CAMTA1: variants seen among roughly 807,000 people sequenced by gnomAD.
CAMTA1 encodes the protein calmodulin binding transcription activator 1.
Under a neutral mutation model 170.9 loss-of-function variants are expected in CAMTA1, and 27 were observed. The ratio of observed to expected loss-of-function variants is 0.16; its 90% CI spans 0.12 to 0.22. The LOEUF is 0.22. CAMTA1 is among the 10% of genes least tolerant of loss of function. The pLI is 1.00. For missense variants in CAMTA1, 1,619 were observed against 2,217.2 expected (o/e 0.73, Z 5.42); for synonymous variants, 833 against 891.5 (o/e 0.93, Z 1.17).
intron 3 of CAMTA1, among the ~76,000 whole-genome samples, chr1:7,055,339 T>C (rs1048373346): frequency 2.0e-5 from 3 of 152,090 alleles, no homozygotes; most frequent in Non-Finnish European, 4.4e-5. Context: ...TTTACAGCAG[T>C]GTTGAGCATC....
At chr1:7,337,599 G>A (rs368701179) in intron 5 of CAMTA1, among the ~76,000 whole-genome samples, 5,695 of 133,744 alleles carry the variant, frequency 0.043, 98 homozygotes, top group Middle Eastern at 0.061. Context: ...GTGGGCAGTG[G>A]GCCTCATCCA....
At chr1:7,389,351 G>A (rs1426201357) in intron 5 of CAMTA1, 3 of 152,634 alleles carry the variant, frequency 2.0e-5, no homozygotes, top group African/African-American at 4.8e-5. Flanking sequence ...ATCCGGACTC[G>A]GGCTGTGTGG....
At chr1:7,398,185 CTCTCTCTCTATATA>C (rs1329194183) in intron 5 of CAMTA1, among the ~76,000 whole-genome samples, 8 of 46,534 alleles carry the variant, frequency 1.7e-4, no homozygotes, top group African/African-American at 3.5e-4. Context: ...CTCTCTCTCT[CTCTCTCTCTATATA>C]TATATATATA....
intron 5 of CAMTA1, among the ~76,000 whole-genome samples, chr1:7,402,608 A>G (rs1346352537): frequency 6.6e-6 from 1 of 152,176 alleles, no homozygotes; most frequent in Non-Finnish European, 1.5e-5. Context: ...CGCTATGCTC[A>G]GGGTCTGCAG....
chr1:7,110,493 G>A (rs546470924), intron 4 of CAMTA1, among the ~76,000 whole-genome samples: 144 of 152,306 alleles, frequency 9.5e-4, no homozygotes, highest in Non-Finnish European at 1.8e-3. Flanking sequence ...TCAGCTCCTT[G>A]CCTTCTGCTG....
intron 3 of CAMTA1, among the ~76,000 whole-genome samples, chr1:6,990,958 T>G (rs765983303): frequency 5.3e-4 from 80 of 152,030 alleles, no homozygotes; most frequent in Non-Finnish European, 8.7e-4. Context: ...GAGTGTATAT[T>G]GTACCTAATA....
At chr1:7,103,106 G>A (rs1426237301) in intron 4 of CAMTA1, among the ~76,000 whole-genome samples, 2 of 151,734 alleles carry the variant, frequency 1.3e-5, no homozygotes, top group Non-Finnish European at 2.9e-5. Context: ...TTCCAGAGGG[G>A]CTGCGGGGTG....
chr1:7,027,566 C>T (rs572693337), intron 3 of CAMTA1, among the ~76,000 whole-genome samples: 6 of 152,270 alleles, frequency 3.9e-5, no homozygotes, highest in East Asian at 1.9e-4. Context: ...GATGCGGTGA[C>T]GCCCTGGCTG....
At chr1:6,895,215 A>G (rs917141699) in intron 3 of CAMTA1, among the ~76,000 whole-genome samples, 2 of 152,208 alleles carry the variant, frequency 1.3e-5, no homozygotes, top group Admixed American at 1.3e-4. Context: ...GCATGGAAGA[A>G]TATTTATGAA....
intron 6 of CAMTA1, among the ~76,000 whole-genome samples, chr1:7,469,203 C>G (rs929075050): frequency 6.6e-6 from 1 of 152,196 alleles, no homozygotes; most frequent in Non-Finnish European, 1.5e-5. Flanking sequence ...GCTCTGCCTC[C>G]CCTGGAGGCT....
intron 5 of CAMTA1, among the ~76,000 whole-genome samples, chr1:7,388,739 C>T (rs150132481): frequency 1.5e-4 from 23 of 152,312 alleles, no homozygotes; most frequent in Non-Finnish European, 2.2e-4. Context: ...CTCCTGGGAG[C>T]GTTCCTGCCC....
chr1:7,758,770 C>T (rs2150251509), intron 22 of CAMTA1, among the ~76,000 whole-genome samples: 1 of 152,024 alleles, frequency 6.6e-6, no homozygotes, highest in East Asian at 1.9e-4. Context: ...CCCGTCTCTA[C>T]TGAAAATACA....
rs538064160 is a variant in CAMTA1 at position 7,493,189 on chromosome 1, G to A, written c.510+25288G>A. Among the ~76,000 whole-genome samples, 6 of 123,242 alleles carry A rather than the reference G, an allele frequency of 4.9e-5. No homozygotes were observed. In the South Asian group the frequency reaches 1.1e-3, roughly 22 times the overall value. 80.9% of individuals were successfully genotyped at this position (123,242 alleles called of 152,430 possible). On this transcript the variant is annotated intron_variant, in intron 6 of 22. Transcript: ENST00000303635. The stretch of plus-strand genomic sequence containing the variant: ...TACACGCGCACACAAATACAAACAC[G>A]CACACACACAAACACAAACCTACAT...
At position 7,144,889 on chromosome 1, in the gene CAMTA1, A is replaced by G. The variant is rs146612450; in HGVS notation, c.302+53518A>G. On this transcript the variant is annotated intron_variant, in intron 4 of 22. Coordinates refer to ENST00000303635, the MANE Select transcript of CAMTA1 (RefSeq NM_015215.4). The surrounding 1 kb of genome is among the most constrained non-coding windows in gnomAD (Gnocchi z 4.0). The stretch of plus-strand genomic sequence containing the variant: ...AGCTGGTCATTTGTCCTCCACAACT[A>G]CCTGGTGAGGCAGCACTTGCTTTTT... Among the ~76,000 whole-genome samples, 96 of 152,336 alleles carry G rather than the reference A, an allele frequency of 6.3e-4. 1 individual carries two copies. Among genetic ancestry groups the G allele is most frequent in the African/African-American group, 2.1e-3 (89 of 41,586 alleles).
chr1:7,657,306 G>A (rs963080939), intron 7 of CAMTA1, among the ~76,000 whole-genome samples: 1 of 152,202 alleles, frequency 6.6e-6, no homozygotes, highest in Non-Finnish European at 1.5e-5. Context: ...CAACTATGGG[G>A]AGCTGCAGAG....
intron 6 of CAMTA1, among the ~76,000 whole-genome samples, chr1:7,508,195 T>G (rs1415418111): frequency 2.0e-5 from 3 of 152,198 alleles, no homozygotes; most frequent in Admixed American, 1.3e-4. Context: ...GACTCTGAGC[T>G]TGGGCTTGAA....
chr1:7,679,406 CAG>C (rs989314397), intron 11 of CAMTA1, among the ~76,000 whole-genome samples: 1 of 152,190 alleles, frequency 6.6e-6, no homozygotes, highest in Non-Finnish European at 1.5e-5. Context: ...CCTGGAAACC[CAG>C]AGAGCCAGCT....
At chr1:7,501,542 T>G (rs2094005702) in intron 6 of CAMTA1, among the ~76,000 whole-genome samples, 1 of 151,908 alleles carries the variant, frequency 6.6e-6, no homozygotes, top group Non-Finnish European at 1.5e-5. Flanking sequence ...CCCTGGAGGC[T>G]GGGGTGCAGG....
rs118138467 is a variant in CAMTA1 at position 6,970,397 on chromosome 1, C to T, written c.235-120907C>T. ...TGCTCACAGACAGCATTCCAGGAGG[C>T]GGAATGGGTGGCAGGGAGTGGGAGG... On this transcript the variant is annotated intron_variant, in intron 3 of 22. Transcript: ENST00000303635. This position sits in a 1 kb window ranked among gnomAD's most constrained non-coding sequence, Gnocchi z 4.4. Among the ~76,000 whole-genome samples the T allele has an allele frequency of 1.3e-3, 198 of 152,134 alleles. 5 individuals carry two copies. In the East Asian group the frequency reaches 0.029, roughly 22 times the overall value.
Sources: allele counts gnomAD v4.1 joint callset (sites outside exome capture counted in the v4.1 genomes callset), GRCh38; gene constraint gnomAD v4.1.1; non-coding constraint Gnocchi (gnomAD v3.1); transcripts MANE v1.5; gene names NCBI Gene and HGNC (gene_info 2026-07-23, HGNC 2026-07-21).